Variants in BIRC2 observed in about 807,000 individuals in gnomAD.
BIRC2 encodes the protein baculoviral IAP repeat-containing protein 2.
In BIRC2, 18 loss-of-function variants were observed where a neutral mutation model predicts 60.9. The ratio of observed to expected loss-of-function variants is 0.30; its 90% CI spans 0.20 to 0.44. BIRC2 has a LOEUF of 0.44. Ranked by LOEUF, BIRC2 falls within the 20% of genes least tolerant of loss-of-function variation. BIRC2 has a pLI of 1.00. For missense variants in BIRC2, 701 were observed against 728.5 expected (o/e 0.96, Z 0.43); for synonymous variants, 282 against 247.7 (o/e 1.14, Z -1.30).
Position 102,349,645 on chromosome 11 carries a change from C to A in BIRC2, c.-210C>A. 2.1e-6 allele frequency: 1 copy of A among 485,758 alleles called. No individual in the cohort carries two copies. The highest frequency in any genetic ancestry group is 3.3e-5 in the East Asian group (1 of 30,414). 30.1% of individuals were successfully genotyped at this position (485,758 alleles called of 1,614,324 possible). On this transcript the variant is annotated 5_prime_UTR_variant, in exon 2 of 9. Transcript: ENST00000227758. ...AGGTTACCTGAAAGAGTTACTACAACCCCAAAGAGTTGTGTTCTAAGTAGT... is the reference window on the plus strand; with the variant it reads ...AGGTTACCTGAAAGAGTTACTACAAACCCAAAGAGTTGTGTTCTAAGTAGT...
chr11:102,359,793 A>G (rs1951465129), intron 3 of BIRC2, among the ~76,000 whole-genome samples: 1 of 152,066 alleles, frequency 6.6e-6, no homozygotes, highest in Admixed American at 6.6e-5. Context: ...TTGCCAGTTC[A>G]TTATAATGTG....
chr11:102,357,286 CCTTCTTCCTCCTCCTCCCTTTTCTTT>C (rs1951433759), intron 3 of BIRC2, among the ~76,000 whole-genome samples: 4 of 151,360 alleles, frequency 2.6e-5, no homozygotes, highest in Admixed American at 2.0e-4. Flanking sequence ...CCCTCTTCTT[CCTTCTTCCTCCTCCTCCCTTTTCTTT>C]CTTCTTCCTC....
chr11:102,376,848 A>T (rs757689186), intron 6 of BIRC2, among the ~76,000 whole-genome samples: 1 of 152,178 alleles, frequency 6.6e-6, no homozygotes, highest in Non-Finnish European at 1.5e-5. Context: ...TATTTTACAG[A>T]TGAGGAAACT....
Position 102,378,301 on chromosome 11 carries a change from C to A in BIRC2, c.*118C>A. Reference sequence around the variant, plus strand: ...TTTTTCAATTAGTAACATTCATGTTCTAGTCTGCTTTGGTACTAATAATCT... The same window carrying A: ...TTTTTCAATTAGTAACATTCATGTTATAGTCTGCTTTGGTACTAATAATCT... On this transcript the variant is annotated 3_prime_UTR_variant, in exon 9 of 9. Coordinates refer to ENST00000227758, the MANE Select transcript of BIRC2 (RefSeq NM_001166.5). 2.6e-6 allele frequency: 2 copies of A among 770,042 alleles called. No homozygotes were observed. The highest frequency in any genetic ancestry group is 3.9e-6 in the Non-Finnish European group (2 of 509,130). The allele number at this position is 770,042 out of a possible 1,614,324, so 47.7% of individuals were successfully genotyped here.
intron 5 of BIRC2, among the ~76,000 whole-genome samples, chr11:102,364,419 T>G (rs1191958253): frequency 6.6e-6 from 1 of 152,054 alleles, no homozygotes; most frequent in Non-Finnish European, 1.5e-5. Context: ...TGGCATGATT[T>G]GGAAAACGTC....
In BIRC2 at chr11:102,369,181, T is replaced by C. The variant is rs1308984132; in HGVS notation, c.1366+633T>C. On this transcript the variant is annotated intron_variant, in intron 6 of 8. Coordinates refer to ENST00000227758, the MANE Select transcript of BIRC2 (RefSeq NM_001166.5). The stretch of plus-strand genomic sequence containing the variant: ...TCTTTTTTCTATTTTTTTTTAATTA[T>C]ACTTTAAGTTTTAGGGTACATGTGC... 7.9e-5 allele frequency among the ~76,000 whole-genome samples: 12 copies of C among 152,012 alleles called. 1 individual carries two copies. In the South Asian group the frequency reaches 2.3e-3, roughly 29 times the overall value.
intron 5 of BIRC2, among the ~76,000 whole-genome samples, chr11:102,364,198 GA>G (rs1951526499): frequency 7.4e-6 from 1 of 134,548 alleles, no homozygotes; most frequent in African/African-American, 2.9e-5. Context: ...GAGAGAGAGA[GA>G]GAGAGAGAGA....
chr11:102,362,539 A>C lies in BIRC2; in HGVS notation c.996-357A>C, dbSNP rs568053328. Among the ~76,000 whole-genome samples the C allele has an allele frequency of 6.6e-5, 10 of 152,332 alleles. No individual in the cohort carries two copies. The South Asian group carries it at 2.1e-3, about 32-fold the overall frequency. On this transcript the variant is annotated intron_variant, in intron 3 of 8. Transcript: ENST00000227758. ...TATTGTGAAAGATCACATTTTAGGA[A>C]TACTGAGTTAATAGTATCTGAAACT...
chr11:102,362,761 A>G (rs1168185230), intron 3 of BIRC2, 135 bp from the exon 4 acceptor site: 4 of 583,982 alleles, frequency 6.8e-6, no homozygotes, highest in East Asian at 2.8e-5. Context: ...TTAGATATGT[A>G]TGTGTTCTGG....
Position 102,350,439 on chromosome 11 carries a change from A to T in BIRC2, c.585A>T (p.Pro195=). Residue 195 remains proline, a synonymous_variant, in exon 2 of 9, where the codon CCA becomes CCT. Transcript: ENST00000227758. ...GATTTCTTACCTACCATATGTGGCC[A>T]TTAACTTTTTTGTCACCATCAGAAT... The part of the protein sequence containing the change: ...EARFLTYHMW[P]LTFLSPSELA... 1 of 1,614,204 alleles carries T rather than the reference A, an allele frequency of 6.2e-7. No individual in the cohort carries two copies. Among genetic ancestry groups the T allele is most frequent in the South Asian group, 1.1e-5 (1 of 91,082 alleles).
rs1432550497 is a variant in BIRC2, at chr11:102,368,563, T to A, written c.1366+15T>A. The A allele has an allele frequency of 6.2e-7, 1 of 1,610,900 alleles. No individual in the cohort carries two copies. Among genetic ancestry groups the A allele is most frequent in the African/African-American group, 1.3e-5 (1 of 74,822 alleles). ...AATGGCATCAGGTATTTGGGGATGT[T>A]AGTCACCTGCATTGTTTCTCAGTGG... is the stretch of plus-strand genomic sequence containing the variant. On this transcript the variant is annotated intron_variant, in intron 6 of 8. Coordinates refer to ENST00000227758, the MANE Select transcript of BIRC2 (RefSeq NM_001166.5).
At chr11:102,369,878 C>A (rs1200248845) in intron 6 of BIRC2, among the ~76,000 whole-genome samples, 1 of 146,924 alleles carries the variant, frequency 6.8e-6, no homozygotes, top group Non-Finnish European at 1.5e-5. Context: ...GAGATGGTAT[C>A]TCATTGTGGT....
chr11:102,372,016 C>T (rs1274476286), intron 6 of BIRC2, among the ~76,000 whole-genome samples: 1 of 151,954 alleles, frequency 6.6e-6, no homozygotes, highest in Admixed American at 6.6e-5. Context: ...TGGTGATATC[C>T]CCTTTATCAT....
intron 6 of BIRC2, among the ~76,000 whole-genome samples, chr11:102,369,254 G>A (rs1440543450): frequency 2.2e-4 from 32 of 147,828 alleles, no homozygotes; most frequent in African/African-American, 5.0e-4. Context: ...ATGCTGGTGC[G>A]CTGCACCCAC....
At chr11:102,374,521 C>A (rs541324715) in intron 6 of BIRC2, among the ~76,000 whole-genome samples, 2 of 150,716 alleles carry the variant, frequency 1.3e-5, no homozygotes, top group African/African-American at 2.4e-5. Context: ...GGCAGTCTGC[C>A]GGTTCTCAGA....
At position 102,350,233 on chromosome 11, in the gene BIRC2, A is replaced by G; in HGVS notation, c.379A>G (p.Asn127Asp). The G allele has an allele frequency of 5.6e-6, 9 of 1,614,232 alleles. No individual in the cohort carries two copies. The highest frequency in any genetic ancestry group is 1.1e-5 in the South Asian group (1 of 91,084). Residue 127 changes from asparagine to aspartate, a missense_variant, in exon 2 of 9, where the codon AAT (asparagine) becomes GAT (aspartate). Asn to Asp is a conservative substitution (Grantham distance 23). Around this residue, in one of 4 missense-constraint regions of BIRC2, gnomAD observed 375 missense variants for 365.9 expected, o/e 1.02. Transcript: ENST00000227758. ...VSASLGSTSK[N>D]TSPMRNSFAH... is the part of the protein sequence containing the mutation. ...AGCTAGTCTGGGATCCACCTCTAAG[A>G]ATACGTCTCCAATGAGAAACAGTTT...
intron 3 of BIRC2, among the ~76,000 whole-genome samples, chr11:102,354,581 G>A (rs56018437): frequency 6.6e-6 from 1 of 152,314 alleles, no homozygotes; most frequent in Non-Finnish European, 1.5e-5. Context: ...ATATCTCTGA[G>A]ATACTGATTT....
At chr11:102,374,580 A>G (rs1193163504) in intron 6 of BIRC2, among the ~76,000 whole-genome samples, 1 of 151,326 alleles carries the variant, frequency 6.6e-6, no homozygotes, top group Non-Finnish European at 1.5e-5. Flanking sequence ...AAGCTGTCAG[A>G]CAGGGACACT....
At position 102,377,889 on chromosome 11, in the gene BIRC2, G is replaced by T. The variant is rs371742922; in HGVS notation, c.1654G>T (p.Asp552Tyr). Residue 552 changes from aspartate (D) to tyrosine (Y), a missense_variant, in exon 8 of 9, where the codon GAT becomes TAT. Physicochemically the swap from Asp to Tyr is radical, Grantham distance 160 (BLOSUM62 -3). Around this residue, in one of 4 missense-constraint regions of BIRC2, gnomAD observed 52 missense variants for 83.9 expected, o/e 0.62. Transcript: ENST00000227758. Reference protein sequence around the residue: ...DKNMKYIPTEDVSGLSLEEQL... With the variant: ...DKNMKYIPTEYVSGLSLEEQL... ...GAATATGAAGTATATTCCAACAGAA[G>T]ATGTTTCAGGTAAAACAAAGATTTA... The T allele has an allele frequency of 2.7e-5, 43 of 1,610,702 alleles. No individual in the cohort carries two copies. The highest frequency in any genetic ancestry group is 3.6e-5 in the Non-Finnish European group (42 of 1,178,966).
Sources: allele counts gnomAD v4.1 joint callset (sites outside exome capture counted in the v4.1 genomes callset), GRCh38; gene constraint gnomAD v4.1.1; regional missense constraint gnomAD v4.1.1; transcripts MANE v1.5; gene names NCBI Gene and HGNC (gene_info 2026-07-23, HGNC 2026-07-21).